The following RNF44 variants were observed in gnomAD, a reference collection of about 807,000 sequenced individuals.
RNF44 encodes the protein ring finger protein 44.
RNF44 carries 25 observed loss-of-function variants against 53.6 expected under a neutral mutation model. That is an observed-to-expected ratio of 0.47 (90% CI 0.34 to 0.65). RNF44 has a LOEUF of 0.65. Ranked by LOEUF, RNF44 falls within the 30% of genes least tolerant of loss-of-function variation. The probability of loss-of-function intolerance (pLI) is 0.01; values close to 1 mark genes in which losing one functional copy is unlikely to be tolerated. For synonymous variants in RNF44, 282 were observed against 252.2 expected (o/e 1.12, Z -1.12); for missense variants, 581 against 595.5 (o/e 0.98, Z 0.25).
intron 1 of RNF44, among the ~76,000 whole-genome samples, chr5:176,536,693 AG>A (rs1757217212): frequency 7.7e-6 from 1 of 129,962 alleles, no homozygotes; most frequent in Non-Finnish European, 1.6e-5. Flanking sequence ...TGGCGGCCGC[AG>A]GGGGAGGGGG....
intron 1 of RNF44, among the ~76,000 whole-genome samples, chr5:176,533,867 C>G (rs1379698829): frequency 6.6e-6 from 1 of 152,210 alleles, no homozygotes. Context: ...AGGACCAGAT[C>G]TTTGTTGTTC....
chr5:176,541,247 C>A (rs937189054), upstream of RNF44, among the ~76,000 whole-genome samples: 1 of 152,150 alleles, frequency 6.6e-6, no homozygotes, highest in Non-Finnish European at 1.5e-5. Context: ...CTATCCTGAT[C>A]CTCTCCTCAT....
At chr5:176,529,461 G>A (rs554394463) in intron 9 of RNF44, 62 bp downstream of exon 9, 3 of 1,607,926 alleles carry the variant, frequency 1.9e-6, no homozygotes, top group Middle Eastern at 1.7e-4. Context: ...ACTCCCCTGA[G>A]AGGGGCGTCC....
rs749692564 is a variant in RNF44 at position 176,532,117 on chromosome 5, G to A, written c.184C>T (p.Pro62Ser). The change falls in exon 3 of 11, where the codon CCT (proline) becomes TCT (serine). Residue 62 changes from proline (P) to serine (S), a missense_variant. Physicochemically the swap from Pro to Ser is moderately conservative, Grantham distance 74. Transcript: ENST00000274811. ...RLPSQQPPSR[P>S]PHLPVEERRA... ...CGCTCCTCTACGGGGAGGTGTGGAG[G>A]TCGGGACGGCGGCTGCTGGGAGGGT... 2 of 1,586,982 alleles carry A rather than the reference G, an allele frequency of 1.3e-6. No individual in the cohort carries two copies. Among genetic ancestry groups the A allele is most frequent in the South Asian group, 1.1e-5 (1 of 87,534 alleles).
intron 1 of RNF44, among the ~76,000 whole-genome samples, chr5:176,532,947 C>T (rs1380013429): frequency 2.0e-5 from 3 of 152,114 alleles, no homozygotes; most frequent in African/African-American, 7.2e-5. Context: ...CAGGCCTCAC[C>T]CTCCTGCTGT....
the RNF44 span, among the ~76,000 whole-genome samples, chr5:176,543,104 C>T: frequency 6.6e-6 from 1 of 151,512 alleles, no homozygotes; most frequent in African/African-American, 2.4e-5. This position sits in a 1 kb window ranked among gnomAD's most constrained non-coding sequence, Gnocchi z 4.0. Context: ...CGCTGCCGGG[C>T]CCGGGACTGC....
At chr5:176,538,040 T>C (rs1040699090), upstream of RNF44, 1 of 152,068 alleles carries the variant, frequency 6.6e-6, no homozygotes, top group African/African-American at 2.4e-5. Flanking sequence ...GGCAAGGAGA[T>C]TGGCCCTGCT....
At chr5:176,539,461 G>A (rs528460875), upstream of RNF44, among the ~76,000 whole-genome samples, 4 of 152,244 alleles carry the variant, frequency 2.6e-5, no homozygotes, top group South Asian at 4.1e-4. Flanking sequence ...AGATCCAGGC[G>A]GGCAGATCAC....
chr5:176,531,055 T>C lies in RNF44; in HGVS notation c.466-34A>G. On this transcript the variant is annotated intron_variant, in intron 4 of 10. Coordinates refer to ENST00000274811, the MANE Select transcript of RNF44 (RefSeq NM_014901.5). The surrounding 1 kb of genome is among the most constrained non-coding windows in gnomAD (Gnocchi z 4.2). ...AGAGGGGGCAGGGGGCTGAGAACGT[T>C]CTCCTGGGCTCTGGGCCAGGTCTAC... is the stretch of plus-strand genomic sequence containing the variant. 1.4e-6 allele frequency: 2 copies of C among 1,410,920 alleles called. No homozygotes were observed. Among genetic ancestry groups the C allele is most frequent in the Non-Finnish European group, 1.9e-6 (2 of 1,078,974 alleles). 87.4% of individuals were successfully genotyped at this position (1,410,920 alleles called of 1,614,324 possible).
Position 176,530,941 on chromosome 5 carries a change from G to A in RNF44, c.546C>T (p.Ile182=). ...YPHLISSDHY[I]LHPPPPAPPP... ...GTGGGGCCGGTGGTGGGGGGTGCAG[G>A]ATGTAGTGGTCACTGGAGATGAGGT... The change falls in exon 5 of 11, where the codon ATC becomes ATT. Residue 182 remains isoleucine (I), a synonymous_variant. Transcript: ENST00000274811. The A allele has an allele frequency of 1.4e-6, 2 of 1,453,380 alleles. No individual in the cohort carries two copies. Among genetic ancestry groups the A allele is most frequent in the South Asian group, 1.5e-5 (1 of 65,608 alleles). 90.0% of individuals were successfully genotyped at this position (1,453,380 alleles called of 1,614,324 possible). A position where few individuals can be genotyped will look rare whatever the true frequency, so the allele number is the denominator to read the frequency against.
Position 176,530,382 on chromosome 5 carries a change from G to GCGGGCC in RNF44, c.802-177_802-176insGGCCCG, listed in dbSNP as rs1561845313. On this transcript the variant is annotated intron_variant, in intron 6 of 10. Transcript: ENST00000274811. ...CGGAGCCCACGTGCAAGTCAGCCCGGTGGGCCTGCCTCCCAGCCGCCCCGG... is the reference window on the plus strand; with the variant it reads ...CGGAGCCCACGTGCAAGTCAGCCCGGCGGGCCTGGGCCTGCCTCCCAGCCGCCCCGG... 4.9e-4 allele frequency among the ~76,000 whole-genome samples: 48 copies of GCGGGCC among 98,162 alleles called. 3 individuals carry two copies. Among genetic ancestry groups the GCGGGCC allele is most frequent in the South Asian group, 7.3e-4 (2 of 2,754 alleles). The allele number at this position is 98,162 out of a possible 152,430, so 64.4% of individuals were successfully genotyped here.
chr5:176,535,465 G>C (rs749908847), intron 1 of RNF44, among the ~76,000 whole-genome samples: 1 of 152,130 alleles, frequency 6.6e-6, no homozygotes, highest in Non-Finnish European at 1.5e-5. Context: ...AGCCCTGCCA[G>C]GAACAGGGGT....
At chr5:176,529,959 A>T in intron 7 of RNF44, 123 bp downstream of exon 7, 1 of 1,380,834 alleles carries the variant, frequency 7.2e-7, no homozygotes, top group Non-Finnish European at 9.7e-7. Flanking sequence ...CTGTCAGGTT[A>T]AGGGGGGAAC....
chr5:176,531,068 G>A lies in RNF44; in HGVS notation c.466-47C>T. ...GGCTGAGAACGTTCTCCTGGGCTCT[G>A]GGCCAGGTCTACGCCATGCCACCCA... is the stretch of plus-strand genomic sequence containing the variant. On this transcript the variant is annotated intron_variant, in intron 4 of 10. Coordinates refer to ENST00000274811, the MANE Select transcript of RNF44 (RefSeq NM_014901.5). The surrounding 1 kb of genome is among the most constrained non-coding windows in gnomAD (Gnocchi z 4.2). The A allele has an allele frequency of 1.5e-6, 2 of 1,364,022 alleles. No homozygotes were observed. Among genetic ancestry groups the A allele is most frequent in the Non-Finnish European group, 1.9e-6 (2 of 1,035,308 alleles). 84.5% of individuals were successfully genotyped at this position (1,364,022 alleles called of 1,614,324 possible).
Position 176,531,923 on chromosome 5 carries a change from A to G in RNF44, c.297+81T>C, listed in dbSNP as rs1756705280. The G allele has an allele frequency of 2.2e-6, 3 of 1,391,426 alleles. No individual in the cohort carries two copies. Among genetic ancestry groups the G allele is most frequent in the Admixed American group, 4.9e-5 (2 of 40,436 alleles). The allele number at this position is 1,391,426 out of a possible 1,614,324, so 86.2% of individuals were successfully genotyped here. A position where few individuals can be genotyped will look rare whatever the true frequency, so the allele number is the denominator to read the frequency against. ...CCTGGAACGTGAAATGAAGCAAGCT[A>G]GGTGAAATCTAGGCCTTGCTGCCTC... On this transcript the variant is annotated intron_variant, in intron 3 of 10. Coordinates refer to ENST00000274811, the MANE Select transcript of RNF44 (RefSeq NM_014901.5). The surrounding 1 kb of genome is among the most constrained non-coding windows in gnomAD (Gnocchi z 4.2).
chr5:176,529,953 C>T (rs974590393), intron 7 of RNF44, 129 bp downstream of exon 7: 2 of 1,396,110 alleles, frequency 1.4e-6, no homozygotes, highest in Admixed American at 5.5e-5. Flanking sequence ...GCGTGCCTGT[C>T]AGGTTAAGGG....
At chr5:176,541,789 A>G (rs1757453275), upstream of RNF44, among the ~76,000 whole-genome samples, 2 of 152,126 alleles carry the variant, frequency 1.3e-5, no homozygotes, top group Admixed American at 1.3e-4. Flanking sequence ...CCCTCCAAAG[A>G]GGCAGGGCCC....
chr5:176,530,317 AGGTG>A (rs1561845037), intron 6 of RNF44, 111 bp from the exon 7 acceptor site: 21 of 223,400 alleles, frequency 9.4e-5, no homozygotes, highest in African/African-American at 9.3e-4. Flanking sequence ...CCCGGAGCCC[AGGTG>A]CAAGTCAGCC....
Position 176,529,008 on chromosome 5 carries a change from G to A in RNF44, c.*20C>T, listed in dbSNP as rs374762511. ...CCAGAGCTTCAGGCAGGGTTCTCCC[G>A]GGCAGGCGGCTGCGTGGCCTCACTC... On this transcript the variant is annotated 3_prime_UTR_variant, in exon 11 of 11. Coordinates refer to ENST00000274811, the MANE Select transcript of RNF44 (RefSeq NM_014901.5). The A allele has an allele frequency of 4.1e-5, 66 of 1,607,676 alleles. No homozygotes were observed. Among genetic ancestry groups the A allele is most frequent in the African/African-American group, 3.6e-4 (27 of 74,968 alleles).
Sources: allele counts gnomAD v4.1 joint callset (sites outside exome capture counted in the v4.1 genomes callset), GRCh38; gene constraint gnomAD v4.1.1; non-coding constraint Gnocchi (gnomAD v3.1); transcripts MANE v1.5; gene names NCBI Gene and HGNC (gene_info 2026-07-23, HGNC 2026-07-21).